The following AKAP13 variants were observed in gnomAD, a reference collection of about 807,000 sequenced individuals.
AKAP13 encodes A-kinase anchor protein 13.
Under a neutral mutation model 264.5 loss-of-function variants are expected in AKAP13, and 80 were observed. The ratio of observed to expected loss-of-function variants is 0.30; its 90% CI spans 0.25 to 0.36. The LOEUF is 0.36. Ranked by LOEUF, AKAP13 falls within the 10% of genes least tolerant of loss-of-function variation. The pLI, the probability that AKAP13 is intolerant of heterozygous loss-of-function variation, is 1.00. For synonymous variants in AKAP13, 1,380 were observed against 1,250.2 expected (o/e 1.10, Z -2.19); for missense variants, 3,712 against 3,435.2 (o/e 1.08, Z -2.01).
intron 1 of AKAP13, among the ~76,000 whole-genome samples, chr15:85,484,216 C>CTTT (rs2075452141): frequency 6.6e-6 from 1 of 152,188 alleles, no homozygotes; most frequent in Non-Finnish European, 1.5e-5. Context: ...GCACTCAAGC[C>CTTT]TTTCAATCTT....
At chr15:85,682,110 CA>C in intron 14 of AKAP13, 47 bp from the exon 15 acceptor site, 1 of 1,527,152 alleles carries the variant, frequency 6.5e-7, no homozygotes, top group Non-Finnish European at 9.1e-7. Context: ...TACCCGGCAT[CA>C]GTGTTAAATT....
At chr15:85,676,694 T>C (rs1447568104) in intron 14 of AKAP13, among the ~76,000 whole-genome samples, 1 of 152,208 alleles carries the variant, frequency 6.6e-6, no homozygotes, top group African/African-American at 2.4e-5. Context: ...TAGATGTTTT[T>C]AGTATACTTT....
In AKAP13 at chr15:85,575,126, T is replaced by C. The variant is rs1195295040; in HGVS notation, c.663-5T>C. 1.2e-6 allele frequency: 2 copies of C among 1,613,526 alleles called. No homozygotes were observed. The highest frequency in any genetic ancestry group is 1.3e-5 in the African/African-American group (1 of 74,882). On this transcript the variant is annotated splice_region_variant and splice_polypyrimidine_tract_variant and intron_variant, in intron 5 of 36. Coordinates refer to ENST00000394518, the MANE Select transcript of AKAP13 (RefSeq NM_007200.5). ...TATATATTAACCAGAGATGCTTGCA[T>C]GTAGGGAGAATGCTGGAGAACCAGA...
intron 8 of AKAP13, among the ~76,000 whole-genome samples, chr15:85,613,652 G>A (rs1012380422): frequency 3.1e-5 from 4 of 129,818 alleles, no homozygotes; most frequent in Non-Finnish European, 6.5e-5. Context: ...CTGCACTCCA[G>A]CCTGGGCAAC....
At chr15:85,534,827 T>G (rs1317026187) in intron 4 of AKAP13, 1 of 152,214 alleles carries the variant, frequency 6.6e-6, no homozygotes, top group Non-Finnish European at 1.5e-5. Flanking sequence ...CAATGACATC[T>G]ACTTGATGTC....
At position 85,579,851 on chromosome 15, in the gene AKAP13, G is replaced by A; in HGVS notation, c.1783G>A (p.Asp595Asn). ...NSVVIPAAAK[D>N]KISDGLEPYT... is the part of the protein sequence containing the mutation. ...TGTGGTGATTCCAGCTGCTGCAAAAGACAAGATTTCAGATGGATTAGAACC... is the reference window on the plus strand; with the variant it reads ...TGTGGTGATTCCAGCTGCTGCAAAAAACAAGATTTCAGATGGATTAGAACC... The change falls in exon 7 of 37, where the codon GAC (aspartate) becomes AAC (asparagine). Residue 595 changes from aspartate (D) to asparagine (N), a missense_variant. Physicochemically the swap from Asp to Asn is conservative, Grantham distance 23. Around this residue, in one of 3 missense-constraint regions of AKAP13, gnomAD observed 2,759 missense variants for 2,411.7 expected, o/e 1.14. Coordinates refer to ENST00000394518, the MANE Select transcript of AKAP13 (RefSeq NM_007200.5). The A allele has an allele frequency of 6.2e-7, 1 of 1,614,200 alleles. No individual in the cohort carries two copies. The highest frequency in any genetic ancestry group is 1.1e-5 in the South Asian group (1 of 91,080).
At chr15:85,399,682 T>C (rs1014649020) in intron 1 of AKAP13, among the ~76,000 whole-genome samples, 1 of 152,030 alleles carries the variant, frequency 6.6e-6, no homozygotes, top group African/African-American at 2.4e-5. Flanking sequence ...GTTACTGTCC[T>C]CTTAGGTGCT....
chr15:85,743,712 A>G lies in AKAP13; in HGVS notation c.8279A>G (p.Gln2760Arg), dbSNP rs1003098394. The G allele has an allele frequency of 6.2e-7, 1 of 1,614,236 alleles. No individual in the cohort carries two copies. The highest frequency in any genetic ancestry group is 1.3e-5 in the African/African-American group (1 of 75,062). Residue 2760 changes from glutamine (Q) to arginine (R), a missense_variant, in exon 36 of 37, where the codon CAG becomes CGG. Around this residue, in one of 3 missense-constraint regions of AKAP13, gnomAD observed 611 missense variants for 539.3 expected, o/e 1.13. Coordinates refer to ENST00000394518, the MANE Select transcript of AKAP13 (RefSeq NM_007200.5). ...TSQTNKGPEG[Q>R]SQAPASTSAS... is the part of the protein sequence containing the mutation. ...CAGACAAACAAAGGACCAGAAGGGC[A>G]GAGCCAGGCCCCTGCGTCCACCTCT...
chr15:85,611,568 A>G (rs2080625267), intron 8 of AKAP13, among the ~76,000 whole-genome samples: 1 of 152,142 alleles, frequency 6.6e-6, no homozygotes, highest in South Asian at 2.1e-4. Context: ...ATCATTTCTC[A>G]CCTGACTTCT....
intron 2 of AKAP13, among the ~76,000 whole-genome samples, chr15:85,494,930 CCTTT>C (rs1364265462): frequency 6.6e-5 from 10 of 151,788 alleles, no homozygotes; most frequent in Non-Finnish European, 1.5e-5. Context: ...GCATTGTGCT[CCTTT>C]CTTGGTGGAG....
At chr15:85,551,188 G>A (rs1319218698) in intron 5 of AKAP13, among the ~76,000 whole-genome samples, 2 of 152,092 alleles carry the variant, frequency 1.3e-5, no homozygotes, top group African/African-American at 4.8e-5. Context: ...TAAGTTTTCA[G>A]CTGGACAACT....
intron 10 of AKAP13, among the ~76,000 whole-genome samples, chr15:85,649,315 A>G (rs1253434824): frequency 6.6e-6 from 1 of 152,022 alleles, no homozygotes; most frequent in Non-Finnish European, 1.5e-5. Context: ...TTTTTATTTT[A>G]CTCTCAACCT....
chr15:85,732,525 T>C (rs1768648430), intron 30 of AKAP13, among the ~76,000 whole-genome samples: 1 of 150,152 alleles, frequency 6.7e-6, no homozygotes, highest in South Asian at 2.1e-4. Context: ...AATGTGTATA[T>C]GAAAATTTAT....
At chr15:85,646,050 C>T in intron 10 of AKAP13, 96 bp downstream of exon 10, 3 of 1,479,054 alleles carry the variant, frequency 2.0e-6, no homozygotes, top group Non-Finnish European at 2.7e-6. Context: ...CCCTCTTGTG[C>T]TCTCCTGTTT....
chr15:85,526,882 G>A (rs1409327296), intron 3 of AKAP13, among the ~76,000 whole-genome samples: 1 of 151,738 alleles, frequency 6.6e-6, no homozygotes, highest in African/African-American at 2.4e-5. Context: ...ACATATAGTG[G>A]TTATACTGGA....
At chr15:85,678,712 C>CA (rs1198385328) in intron 14 of AKAP13, among the ~76,000 whole-genome samples, 1 of 151,352 alleles carries the variant, frequency 6.6e-6, no homozygotes, top group Non-Finnish European at 1.5e-5. Context: ...AACAAACAAA[C>CA]AAACAAATTA....
At chr15:85,735,362 T>C (rs948255484) in intron 31 of AKAP13, among the ~76,000 whole-genome samples, 198 bp from the exon 32 acceptor site, 37 of 152,216 alleles carry the variant, frequency 2.4e-4, no homozygotes, top group African/African-American at 8.9e-4. Flanking sequence ...AGAGTAATAA[T>C]ACATGTTCCT....
intron 1 of AKAP13, among the ~76,000 whole-genome samples, chr15:85,484,441 G>C (rs1188964164): frequency 6.6e-6 from 1 of 152,078 alleles, no homozygotes; most frequent in East Asian, 1.9e-4. Context: ...ATAGCGCATG[G>C]GGTGGACCAG....
chr15:85,629,764 C>CTTT (rs773396099), intron 8 of AKAP13, among the ~76,000 whole-genome samples: 1,643 of 50,536 alleles, frequency 0.033, 396 homozygotes, highest in Middle Eastern at 0.062. Context: ...CCTTTACAGC[C>CTTT]TTTTTTTTTT....
Sources: allele counts gnomAD v4.1 joint callset (sites outside exome capture counted in the v4.1 genomes callset), GRCh38; gene constraint gnomAD v4.1.1; regional missense constraint gnomAD v4.1.1; transcripts MANE v1.5; gene names NCBI Gene and HGNC (gene_info 2026-07-23, HGNC 2026-07-21).